TSC1: variants seen among roughly 807,000 people sequenced by gnomAD.
The protein encoded by TSC1 is TSC complex subunit 1, also known as hamartin.
In TSC1, 20 loss-of-function variants were observed where a neutral mutation model predicts 124.3. That is an observed-to-expected ratio of 0.16 (90% confidence interval 0.11 to 0.23). TSC1 has a LOEUF of 0.23. Among genes scored for constraint, TSC1 ranks in the 10% least tolerant of loss-of-function variants. The pLI is 1.00. For missense variants in TSC1, 1,124 were observed against 1,448.5 expected, an observed-to-expected ratio of 0.78 and a Z score of 3.64; for synonymous variants, 493 against 539.1, an observed-to-expected ratio of 0.91 and a Z score of 1.19.
In TSC1 at chr9:132,901,632, T is replaced by C. The variant is rs1369700443; in HGVS notation, c.2459A>G (p.Lys820Arg). Reference protein sequence around the residue: ...LRIELKKANNKVCHTELLLSQ... With the variant: ...LRIELKKANNRVCHTELLLSQ... ...GAGCAGCAGCTCAGTGTGACACACC[T>C]TGTTGTTGGCCTTCTTCAGTTCTAT... Residue 820 changes from lysine (K) to arginine (R), a missense_variant, in exon 19 of 23, where the codon AAG (lysine) becomes AGG (arginine). By Grantham distance (26) the Lys-to-Arg change is conservative. Around this residue, in one of 5 missense-constraint regions of TSC1, gnomAD observed 321 missense variants for 397.4 expected, o/e 0.81. Transcript: ENST00000298552. 4 of 1,614,160 alleles carry C rather than the reference T, an allele frequency of 2.5e-6. No individual in the cohort carries two copies. Among genetic ancestry groups the C allele is most frequent in the South Asian group, 1.1e-5 (1 of 91,076 alleles).
Position 132,906,190 on chromosome 9 carries a change from G to GA in TSC1, c.1439-52dup. 6.3e-7 allele frequency: 1 copy of GA among 1,578,922 alleles called. No homozygotes were observed. The highest frequency in any genetic ancestry group is 8.6e-7 in the Non-Finnish European group (1 of 1,160,162). ...AAATGGCAGTCGGTATTCCACCTGG[G>GA]AAAGACTAGGCAGTTTGGGTGGCAT... is the stretch of plus-strand genomic sequence containing the variant. On this transcript the variant is annotated intron_variant, in intron 14 of 22. Transcript: ENST00000298552. The surrounding 1 kb of genome is among the most constrained non-coding windows in gnomAD (Gnocchi z 4.1).
At chr9:132,914,888 G>A (rs1271532500) in intron 8 of TSC1, among the ~76,000 whole-genome samples, 1 of 151,328 alleles carries the variant, frequency 6.6e-6, no homozygotes, top group East Asian at 1.9e-4. Flanking sequence ...AGAAAATCAT[G>A]CTTTCAGCTG....
chr9:132,912,672 C>T, intron 8 of TSC1: 1 of 585,300 alleles, frequency 1.7e-6, no homozygotes, highest in African/African-American at 1.9e-5. Flanking sequence ...ATCAAGTTTA[C>T]AAGCTAATCT....
At chr9:132,920,466 A>C (rs2132118438) in intron 8 of TSC1, among the ~76,000 whole-genome samples, 1 of 152,238 alleles carries the variant, frequency 6.6e-6, no homozygotes, top group Non-Finnish European at 1.5e-5. Context: ...TGCCAGCTAC[A>C]TGTGTTTTTG....
chr9:132,932,717 T>C (rs895857734), intron 2 of TSC1, among the ~76,000 whole-genome samples: 4 of 152,206 alleles, frequency 2.6e-5, no homozygotes, highest in African/African-American at 7.2e-5. Context: ...AACACAGGAA[T>C]ACTGGTTCTT....
At position 132,903,550 on chromosome 9, in the gene TSC1, T is replaced by C. The variant is rs1845489115; in HGVS notation, c.2208+101A>G. On this transcript the variant is annotated intron_variant, in intron 17 of 22. Transcript: ENST00000298552. This position sits in a 1 kb window ranked among gnomAD's most constrained non-coding sequence, Gnocchi z 5.9. ...ACCTGCCCAAAGGAGTGGGAAGGAC[T>C]GGGAACTCTGACCTCCTCGGCTGCT... 1.3e-6 allele frequency: 2 copies of C among 1,564,568 alleles called. No homozygotes were observed. Among genetic ancestry groups the C allele is most frequent in the Admixed American group, 1.7e-5 (1 of 59,922 alleles).
chr9:132,934,243 G>T (rs907728351), intron 2 of TSC1, among the ~76,000 whole-genome samples: 1 of 152,134 alleles, frequency 6.6e-6, no homozygotes, highest in Admixed American at 6.5e-5. Context: ...GCTCTGTTGC[G>T]CTTGGCACTA....
In TSC1 at chr9:132,925,656, T is replaced by C; in HGVS notation, c.294A>G (p.Arg98=). The change falls in exon 5 of 23, where the codon AGA becomes AGG. Residue 98 remains arginine (R), a synonymous_variant. Coordinates refer to ENST00000298552, the MANE Select transcript of TSC1 (RefSeq NM_000368.5). Reference sequence around the variant, plus strand: ...GCTTATGCTTCCAAGATGGCTGCAGTCTTATGACATGACCCAGTAACGAGA... The same window carrying C: ...GCTTATGCTTCCAAGATGGCTGCAGCCTTATGACATGACCCAGTAACGAGA... ...SILSLLGHVI[R]LQPSWKHKLS... 6.2e-7 allele frequency: 1 copy of C among 1,614,224 alleles called. No homozygotes were observed. The highest frequency in any genetic ancestry group is 1.1e-5 in the South Asian group (1 of 91,082).
rs760712752 is a variant in TSC1 at position 132,904,375 on chromosome 9, T to C, written c.2041+36A>G. ...AAGGGCAACAAGCAAGCAGGAACCA[T>C]GTGGGCTGGATTTGGAGCTAAAGTA... On this transcript the variant is annotated intron_variant, in intron 16 of 22. Coordinates refer to ENST00000298552, the MANE Select transcript of TSC1 (RefSeq NM_000368.5). The C allele has an allele frequency of 9.3e-6, 15 of 1,612,570 alleles. No homozygotes were observed. In the East Asian group the frequency reaches 2.9e-4, roughly 31 times the overall value.
intron 8 of TSC1, among the ~76,000 whole-genome samples, chr9:132,915,099 T>C (rs1423688901): frequency 6.6e-6 from 1 of 150,958 alleles, no homozygotes; most frequent in Non-Finnish European, 1.5e-5. Flanking sequence ...CGTGGGAGGA[T>C]AGCTTGACCC....
At chr9:132,912,154 A>AAGAT in intron 9 of TSC1, 128 bp downstream of exon 9, 2 of 1,107,152 alleles carry the variant, frequency 1.8e-6, no homozygotes, top group East Asian at 4.9e-5. Context: ...ATGCAAATTT[A>AAGAT]AGATATTTTG....
In TSC1 at chr9:132,906,651, G is replaced by A; in HGVS notation, c.1438+80C>T. On this transcript the variant is annotated intron_variant, in intron 14 of 22. Coordinates refer to ENST00000298552, the MANE Select transcript of TSC1 (RefSeq NM_000368.5). This position sits in a 1 kb window ranked among gnomAD's most constrained non-coding sequence, Gnocchi z 4.1. The stretch of plus-strand genomic sequence containing the variant: ...GAGAAGAAAAATCCAGCAAGCCTGT[G>A]AGCAATGGCACAAAATCCCAGATTT... 8.0e-7 allele frequency: 1 copy of A among 1,245,006 alleles called. No homozygotes were observed. The highest frequency in any genetic ancestry group is 1.2e-6 in the Non-Finnish European group (1 of 867,166). 77.1% of individuals were successfully genotyped at this position (1,245,006 alleles called of 1,614,324 possible).
Position 132,923,599 on chromosome 9 carries a change from C to G in TSC1, c.364-107G>C. 1 of 1,489,226 alleles carries G rather than the reference C, an allele frequency of 6.7e-7. No individual in the cohort carries two copies. The highest frequency in any genetic ancestry group is 1.1e-5 in the South Asian group (1 of 87,302). 92.3% of individuals were successfully genotyped at this position (1,489,226 alleles called of 1,614,324 possible). A position where few individuals can be genotyped will look rare whatever the true frequency, so the allele number is the denominator to read the frequency against. ...TAAACACTGAGAGAATCACAAATCA[C>G]AAGTTGACTCACGTACTCATTTCCC... On this transcript the variant is annotated intron_variant, in intron 5 of 22. Coordinates refer to ENST00000298552, the MANE Select transcript of TSC1 (RefSeq NM_000368.5). This position sits in a 1 kb window ranked among gnomAD's most constrained non-coding sequence, Gnocchi z 4.2.
Position 132,911,014 on chromosome 9 carries a change from A to G in TSC1, c.1129T>C (p.Phe377Leu), listed in dbSNP as rs1845926660. The G allele has an allele frequency of 6.2e-7, 1 of 1,614,130 alleles. No individual in the cohort carries two copies. Among genetic ancestry groups the G allele is most frequent in the African/African-American group, 1.3e-5 (1 of 75,054 alleles). The change falls in exon 11 of 23, where the codon TTT (phenylalanine) becomes CTT (leucine). Residue 377 changes from phenylalanine (F) to leucine (L), a missense_variant. Transcript: ENST00000298552. ...AAGACATACATACCAGTTGTACCAA[A>G]GACTTTACTGTAAGGGTGTGACAGA... ...PDLSHPYSKV[F>L]GTTAGGKGTP...
chr9:132,937,547 A>G (rs536333407), intron 1 of TSC1, among the ~76,000 whole-genome samples: 7 of 152,360 alleles, frequency 4.6e-5, no homozygotes, highest in African/African-American at 1.2e-4. Flanking sequence ...TCCTCTTGCG[A>G]CTAATCCCGG....
At chr9:132,936,248 AG>A (rs1847452818) in intron 1 of TSC1, among the ~76,000 whole-genome samples, 1 of 152,066 alleles carries the variant, frequency 6.6e-6, no homozygotes, top group East Asian at 1.9e-4. Context: ...CCGAGTAGCT[AG>A]GAATACAGAT....
Position 132,927,306 on chromosome 9 carries a change from T to C in TSC1, c.107-2A>G, listed in dbSNP as rs118203332. ...TGTTTACAAGCATAGGGCCACGGTC[T>C]AAATCAAGAAAAGGGCAATGGATGA... On this transcript the variant is annotated splice_acceptor_variant, in intron 3 of 22. Coordinates refer to ENST00000298552, the MANE Select transcript of TSC1 (RefSeq NM_000368.5). LOFTEE classifies it high-confidence loss of function. 1 of 1,613,430 alleles carries C rather than the reference T, an allele frequency of 6.2e-7. No individual in the cohort carries two copies. The highest frequency in any genetic ancestry group is 8.5e-7 in the Non-Finnish European group (1 of 1,179,666).
chr9:132,922,980 C>T (rs1272366147), intron 6 of TSC1, among the ~76,000 whole-genome samples: 2 of 152,300 alleles, frequency 1.3e-5, no homozygotes, highest in Middle Eastern at 3.4e-3. Context: ...CTGACATTTG[C>T]GTTCTGTCAC....
At chr9:132,924,090 G>A (rs538159978) in intron 5 of TSC1, among the ~76,000 whole-genome samples, 23 of 151,848 alleles carry the variant, frequency 1.5e-4, no homozygotes, top group African/African-American at 5.3e-4. Context: ...CTTTCAGCAC[G>A]CCTACAGTTT....
Sources: allele counts gnomAD v4.1 joint callset (sites outside exome capture counted in the v4.1 genomes callset), GRCh38; gene constraint gnomAD v4.1.1; regional missense constraint gnomAD v4.1.1; non-coding constraint Gnocchi (gnomAD v3.1); transcripts MANE v1.5; gene names NCBI Gene and HGNC (gene_info 2026-07-23, HGNC 2026-07-21).